Variants in GRIK1 observed in about 807,000 individuals in gnomAD.
GRIK1 encodes the protein glutamate receptor ionotropic, kainate 1.
A neutral mutation model predicts 105.7 loss-of-function variants in GRIK1; 69 were observed. The observed-to-expected ratio is 0.65, with a 90% CI of 0.54 to 0.80. GRIK1 has a LOEUF of 0.80. GRIK1 is among the 30% of genes least tolerant of loss of function. The pLI, the probability that GRIK1 is intolerant of heterozygous loss-of-function variation, is 0.00. For missense variants in GRIK1, 1,109 were observed against 1,167.3 expected (o/e 0.95, Z 0.73); for synonymous variants, 438 against 431.3 (o/e 1.02, Z -0.19).
intron 1 of GRIK1, among the ~76,000 whole-genome samples, chr21:29,871,324 C>T (rs73900261): frequency 0.011 from 1,627 of 152,232 alleles, 27 homozygotes; most frequent in African/African-American, 0.037. Flanking sequence ...TGCAAAGCCC[C>T]CTTTATCTGT....
rs1281872444 is a variant in GRIK1, at chr21:29,591,192, T to C, written c.1285A>G (p.Met429Val). 6 of 1,610,526 alleles carry C rather than the reference T, an allele frequency of 3.7e-6. No homozygotes were observed. The highest frequency in any genetic ancestry group is 4.2e-6 in the Non-Finnish European group (5 of 1,176,712). ...GACTTGTCTTTGTTGCTGTCCGTCA[T>C]GTTAAGCCCACTGTTGGAATTCCAA... is the stretch of plus-strand genomic sequence containing the variant. The part of the protein sequence containing the change: ...GIWNSNSGLN[M>V]TDSNKDKSSN... The change falls in exon 10 of 18, where the codon ATG becomes GTG. Residue 429 changes from methionine to valine, a missense_variant. By Grantham distance (21) the Met-to-Val change is conservative. This residue lies in a region of GRIK1 where 612 missense variants were observed against 586.0 expected (regional missense o/e 1.04). Coordinates refer to ENST00000327783, the MANE Select transcript of GRIK1 (RefSeq NM_001330994.2).
intron 16 of GRIK1, among the ~76,000 whole-genome samples, chr21:29,541,749 A>G (rs754161220): frequency 6.6e-6 from 1 of 151,744 alleles, no homozygotes; most frequent in Non-Finnish European, 1.5e-5. Flanking sequence ...GCCTATTACC[A>G]CTTCTTTTGC....
intron 1 of GRIK1, among the ~76,000 whole-genome samples, chr21:29,938,475 A>G (rs1486736164): frequency 1.3e-5 from 2 of 152,250 alleles, no homozygotes; most frequent in Non-Finnish European, 1.5e-5. Flanking sequence ...CTCAAAGTTC[A>G]GAAATTGCCC....
chr21:29,932,148 A>G (rs2071588139), intron 1 of GRIK1, among the ~76,000 whole-genome samples: 1 of 152,214 alleles, frequency 6.6e-6, no homozygotes, highest in African/African-American at 2.4e-5. Flanking sequence ...CCAGGATACT[A>G]GTAAACTGGC....
At chr21:29,621,963 TG>T (rs147960114) in intron 7 of GRIK1, among the ~76,000 whole-genome samples, 8,901 of 151,512 alleles carry the variant, frequency 0.059, 336 homozygotes, top group African/African-American at 0.1. Flanking sequence ...TTTTTTTTTT[TG>T]AGTTGGAGTT....
intron 1 of GRIK1, among the ~76,000 whole-genome samples, chr21:29,777,918 G>A (rs978066908): frequency 3.3e-5 from 5 of 152,222 alleles, no homozygotes; most frequent in African/African-American, 7.2e-5. Flanking sequence ...GGTTTAGAGA[G>A]CTAGAGGATG....
At chr21:29,883,053 G>A (rs926852942) in intron 1 of GRIK1, among the ~76,000 whole-genome samples, 1 of 151,990 alleles carries the variant, frequency 6.6e-6, no homozygotes, top group East Asian at 1.9e-4. Context: ...TCATGGAATC[G>A]TGGCTTGTCT....
At chr21:29,909,242 A>C (rs2070737122) in intron 1 of GRIK1, among the ~76,000 whole-genome samples, 1 of 152,034 alleles carries the variant, frequency 6.6e-6, no homozygotes, top group Non-Finnish European at 1.5e-5. Flanking sequence ...CCTAAAGATA[A>C]ATGTTTAAAG....
At chr21:29,722,205 A>G (rs2064339893) in intron 1 of GRIK1, among the ~76,000 whole-genome samples, 1 of 152,162 alleles carries the variant, frequency 6.6e-6, no homozygotes, top group South Asian at 2.1e-4. Flanking sequence ...GAAGAAGGAC[A>G]TTGATCAAGG....
At chr21:29,769,970 T>C (rs1277798159) in intron 1 of GRIK1, among the ~76,000 whole-genome samples, 4 of 152,176 alleles carry the variant, frequency 2.6e-5, no homozygotes, top group Non-Finnish European at 4.4e-5. Flanking sequence ...AATAGATGAG[T>C]GACAAAGATG....
At chr21:29,560,405 CTTTCTTTCTTTCTTT>C (rs2090411341) in intron 15 of GRIK1, among the ~76,000 whole-genome samples, 1 of 103,814 alleles carries the variant, frequency 9.6e-6, no homozygotes, top group African/African-American at 4.7e-5. Context: ...TCCTTCCTTT[CTTTCTTTCTTTCTTT>C]CTTTCTTTCT....
At chr21:29,560,577 T>C (rs1210536475) in intron 15 of GRIK1, among the ~76,000 whole-genome samples, 2 of 134,290 alleles carry the variant, frequency 1.5e-5, no homozygotes, top group East Asian at 4.1e-4. Flanking sequence ...TCTTTCTTTC[T>C]CTCTTTCTTT....
At chr21:29,591,717 G>A (rs2061336580) in intron 9 of GRIK1, among the ~76,000 whole-genome samples, 1 of 152,026 alleles carries the variant, frequency 6.6e-6, no homozygotes, top group Non-Finnish European at 1.5e-5. Context: ...ATAATGGGGT[G>A]AAGGGGCAGG....
chr21:29,847,933 A>G (rs2068175792), intron 1 of GRIK1, among the ~76,000 whole-genome samples: 1 of 151,912 alleles, frequency 6.6e-6, no homozygotes. Context: ...TCTCTCTCAC[A>G]CACACACATG....
chr21:29,840,585 C>T (rs1429702830), intron 1 of GRIK1, among the ~76,000 whole-genome samples: 1 of 152,096 alleles, frequency 6.6e-6, no homozygotes, highest in East Asian at 1.9e-4. Context: ...CCTATAGAAA[C>T]AATTATTTTA....
intron 1 of GRIK1, among the ~76,000 whole-genome samples, chr21:29,771,624 G>A (rs564142698): frequency 5.1e-4 from 77 of 152,206 alleles, no homozygotes; most frequent in African/African-American, 1.7e-3. Flanking sequence ...GTGTTCATAC[G>A]CTTGATGTCA....
At chr21:29,721,155 C>T (rs2064311244) in intron 1 of GRIK1, among the ~76,000 whole-genome samples, 1 of 151,722 alleles carries the variant, frequency 6.6e-6, no homozygotes, top group Non-Finnish European at 1.5e-5. Context: ...ATTGAGCACT[C>T]ACTTTTCTTT....
rs1254432917 is a variant in GRIK1 at position 29,924,278 on chromosome 21, A to G, written c.118+15105T>C. Reference sequence around the variant, plus strand: ...CTTGAACCCGGGAGGTGGACGTTGCAGTGAGCCGAGATCATGCCACTGCAC... The same window carrying G: ...CTTGAACCCGGGAGGTGGACGTTGCGGTGAGCCGAGATCATGCCACTGCAC... On this transcript the variant is annotated intron_variant, in intron 1 of 17. Transcript: ENST00000327783. 6.0e-5 allele frequency among the ~76,000 whole-genome samples: 9 copies of G among 151,244 alleles called. No homozygotes were observed. In the East Asian group the frequency reaches 1.6e-3, roughly 26 times the overall value.
intron 1 of GRIK1, among the ~76,000 whole-genome samples, chr21:29,713,773 A>G (rs1471441248): frequency 6.6e-6 from 1 of 152,204 alleles, no homozygotes; most frequent in Non-Finnish European, 1.5e-5. Context: ...AATCTGGAAC[A>G]CATTGACTAA....
Sources: gnomAD v4.1 joint callset for allele counts (sites outside exome capture counted in the v4.1 genomes callset) on GRCh38, gnomAD v4.1.1 for gene constraint, gnomAD v4.1.1 regional missense constraint, MANE v1.5 for transcripts, NCBI Gene and HGNC (gene_info 2026-07-23, HGNC 2026-07-21) for gene names.